QSER1: variants seen among roughly 807,000 people sequenced by gnomAD.
QSER1 encodes the protein glutamine and serine-rich protein 1.
QSER1 carries 49 observed loss-of-function variants against 158.5 expected under a neutral mutation model. That is an observed-to-expected ratio of 0.31 (90% CI 0.25 to 0.39). QSER1 has a LOEUF of 0.39. QSER1 is among the 10% of genes least tolerant of loss of function. The pLI, the probability that QSER1 is intolerant of heterozygous loss-of-function variation, is 1.00. For missense variants in QSER1, 1,754 were observed against 2,010.3 expected, an observed-to-expected ratio of 0.87 and a Z score of 2.44; for synonymous variants, 650 against 715.5, an observed-to-expected ratio of 0.91 and a Z score of 1.46.
chr11:32,895,064 A>G (rs1456909980), intron 1 of QSER1, among the ~76,000 whole-genome samples: 8 of 152,252 alleles, frequency 5.3e-5, no homozygotes, highest in African/African-American at 7.2e-5. Flanking sequence ...TTCTTTTAGT[A>G]GAATACTTCT....
intron 4 of QSER1, among the ~76,000 whole-genome samples, chr11:32,938,496 G>C (rs569100826): frequency 6.6e-5 from 10 of 152,308 alleles, no homozygotes; most frequent in African/African-American, 2.4e-4. Flanking sequence ...AGAGATATAT[G>C]ATGAGCCTGT....
At chr11:32,937,522 G>A (rs143146273) in intron 4 of QSER1, among the ~76,000 whole-genome samples, 2,831 of 151,946 alleles carry the variant, frequency 0.019, 43 homozygotes, top group South Asian at 0.038. Flanking sequence ...TCCTGGCCTC[G>A]AGCAGTCCTC....
intron 4 of QSER1, among the ~76,000 whole-genome samples, chr11:32,948,831 T>C (rs1289082962): frequency 2.6e-5 from 4 of 152,152 alleles, no homozygotes; most frequent in Admixed American, 2.6e-4. Flanking sequence ...GGGGGCATCA[T>C]CCATTTCAAT....
intron 8 of QSER1, among the ~76,000 whole-genome samples, chr11:32,962,773 C>CTAA (rs1423781229): frequency 6.6e-6 from 1 of 152,170 alleles, no homozygotes; most frequent in Non-Finnish European, 1.5e-5. Context: ...GTCCAGAACT[C>CTAA]TAATTTTCAC....
chr11:32,958,971 T>C (rs1852573906), intron 8 of QSER1, among the ~76,000 whole-genome samples: 1 of 152,212 alleles, frequency 6.6e-6, no homozygotes, highest in African/African-American at 2.4e-5. Context: ...TTGAGGATCC[T>C]AAAATGCATT....
At chr11:32,941,764 G>A (rs1189173437) in intron 4 of QSER1, among the ~76,000 whole-genome samples, 2 of 152,008 alleles carry the variant, frequency 1.3e-5, no homozygotes, top group African/African-American at 4.8e-5. Flanking sequence ...GGATGGCTGG[G>A]TCAAATGGTA....
intron 10 of QSER1, among the ~76,000 whole-genome samples, chr11:32,972,510 A>G (rs1160019282): frequency 6.6e-6 from 1 of 151,930 alleles, no homozygotes; most frequent in Non-Finnish European, 1.5e-5. Flanking sequence ...ATATTAGCTC[A>G]GTACAACCTC....
intron 10 of QSER1, among the ~76,000 whole-genome samples, chr11:32,970,447 G>A (rs1003550274): frequency 2.0e-5 from 3 of 152,012 alleles, no homozygotes; most frequent in East Asian, 1.9e-4. Context: ...TTCTTTCGCC[G>A]AGGCTGGAGT....
chr11:32,907,488 A>G (rs574529306), intron 1 of QSER1, among the ~76,000 whole-genome samples: 2 of 152,366 alleles, frequency 1.3e-5, no homozygotes, highest in African/African-American at 4.8e-5. Flanking sequence ...GTTTTCTCAA[A>G]CAAGGGAGAA....
chr11:32,909,515 C>T (rs959530284), intron 1 of QSER1, among the ~76,000 whole-genome samples: 1 of 151,924 alleles, frequency 6.6e-6, no homozygotes, highest in African/African-American at 2.4e-5. Flanking sequence ...TCTTGGCTCA[C>T]TGCAACCTCC....
Position 32,933,665 on chromosome 11 carries a change from A to G in QSER1, c.2407A>G (p.Lys803Glu). ...GACTCCACAAATAAGGTTGAATACT[A>G]AAGACTTAAAGCAGCAACATCCTCT... ...IQTPQIRLNT[K>E]DLKQQHPLIL... is the part of the protein sequence containing the mutation. Residue 803 changes from lysine (K) to glutamate (E), a missense_variant, in exon 4 of 13, where the codon AAA becomes GAA. Transcript: ENST00000650167. 6.2e-7 allele frequency: 1 copy of G among 1,613,558 alleles called. No homozygotes were observed. Among genetic ancestry groups the G allele is most frequent in the Non-Finnish European group, 8.5e-7 (1 of 1,179,792 alleles).
In QSER1 at chr11:32,932,045, T is replaced by G; in HGVS notation, c.787T>G (p.Tyr263Asp). Residue 263 changes from tyrosine (Y) to aspartate (D), a missense_variant, in exon 4 of 13, where the codon TAC (tyrosine) becomes GAC (aspartate). By Grantham distance (160) the Tyr-to-Asp change is radical. This residue lies in a region of QSER1 where 1,707 missense variants were observed against 1,919.6 expected (regional missense o/e 0.89). Transcript: ENST00000650167. ...SNSIPPQSST[Y>D]RSAQESAPHL... The stretch of plus-strand genomic sequence containing the variant: ...CAGCATACCACCTCAGTCTTCAACA[T>G]ACCGCTCAGCTCAAGAGTCTGCACC... The G allele has an allele frequency of 6.2e-7, 1 of 1,614,254 alleles. No individual in the cohort carries two copies. Among genetic ancestry groups the G allele is most frequent in the Non-Finnish European group, 8.5e-7 (1 of 1,180,042 alleles).
intron 4 of QSER1, 79 bp from the exon 5 acceptor site, chr11:32,953,778 T>G: frequency 6.8e-7 from 1 of 1,477,170 alleles, no homozygotes; most frequent in Non-Finnish European, 9.1e-7. Context: ...TCTTTCTTTT[T>G]AAACTGTTTT....
chr11:32,934,140 C>CCCA lies in QSER1; in HGVS notation c.2882_2883insCCA (p.Ser961_Met962insGln). ...AAGAATCAGTTTGTTTCTCTTGGATCGATGTGTTTCCCAGAGGCAGTGCTT... is the reference window on the plus strand; with the variant it reads ...AAGAATCAGTTTGTTTCTCTTGGATCCCAGATGTGTTTCCCAGAGGCAGTGCTT... On this transcript the variant is annotated inframe_insertion, in exon 4 of 13. Coordinates refer to ENST00000650167, the MANE Select transcript of QSER1 (RefSeq NM_001076786.3). 6.2e-7 allele frequency: 1 copy of CCCA among 1,613,918 alleles called. No individual in the cohort carries two copies. The highest frequency in any genetic ancestry group is 8.5e-7 in the Non-Finnish European group (1 of 1,179,912).
Position 32,966,443 on chromosome 11 carries a change from G to A in QSER1, c.5107+6G>A, listed in dbSNP as rs760683555. The A allele has an allele frequency of 1.9e-6, 3 of 1,604,618 alleles. No individual in the cohort carries two copies. The highest frequency in any genetic ancestry group is 2.3e-5 in the South Asian group (2 of 88,598). On this transcript the variant is annotated splice_donor_region_variant and intron_variant, in intron 9 of 12. Coordinates refer to ENST00000650167, the MANE Select transcript of QSER1 (RefSeq NM_001076786.3). ...AGCCTTAGAGAAGAGCAATGGTACA[G>A]TCTTCTAAGTAGTACTTCCTTGGTA...
Position 32,979,044 on chromosome 11 carries a change from G to T in QSER1, c.*2570G>T, listed in dbSNP as rs1853027775. ...ACAGCATGTTACTGTACTGAATACTGTAGGCAGTTGTAACACAATGGTATT... is the reference window on the plus strand; with the variant it reads ...ACAGCATGTTACTGTACTGAATACTTTAGGCAGTTGTAACACAATGGTATT... On this transcript the variant is annotated 3_prime_UTR_variant, in exon 13 of 13. Coordinates refer to ENST00000650167, the MANE Select transcript of QSER1 (RefSeq NM_001076786.3). 1 of 152,246 alleles carries T rather than the reference G, an allele frequency of 6.6e-6. No homozygotes were observed. The highest frequency in any genetic ancestry group is 2.4e-5 in the African/African-American group (1 of 41,452). The allele number at this position is 152,246 out of a possible 1,614,324, so 9.4% of individuals were successfully genotyped here. A position where few individuals can be genotyped will look rare whatever the true frequency, so the allele number is the denominator to read the frequency against.
intron 1 of QSER1, among the ~76,000 whole-genome samples, chr11:32,912,579 TAA>T (rs1475142267): frequency 7.9e-5 from 12 of 152,112 alleles, no homozygotes; most frequent in African/African-American, 2.9e-4. Flanking sequence ...TTGAAAAAAC[TAA>T]CCAGGCGATG....
chr11:32,973,400 G>A lies in QSER1; in HGVS notation c.5209G>A (p.Ala1737Thr). The part of the protein sequence containing the change: ...NLHLDQSFKN[A>T]LESFPELTII... ...ATTTTGCTTCATTGTTTTCCAGAAT[G>A]CTTTGGAAAGTTTTCCTGAACTAAC... The change falls in exon 11 of 13, where the codon GCT becomes ACT. Residue 1737 changes from alanine (A) to threonine (T), a missense_variant. Ala to Thr is a moderately conservative substitution (Grantham distance 58, BLOSUM62 0). This residue lies in a region of QSER1 where 1,707 missense variants were observed against 1,919.6 expected (regional missense o/e 0.89). Coordinates refer to ENST00000650167, the MANE Select transcript of QSER1 (RefSeq NM_001076786.3). The A allele has an allele frequency of 6.2e-7, 1 of 1,613,208 alleles. No homozygotes were observed. Among genetic ancestry groups the A allele is most frequent in the East Asian group, 2.2e-5 (1 of 44,830 alleles).
In QSER1 at chr11:32,976,457, C is replaced by T; in HGVS notation, c.5578C>T (p.Gln1860Ter). The T allele has an allele frequency of 6.2e-7, 1 of 1,608,198 alleles. No homozygotes were observed. Among genetic ancestry groups the T allele is most frequent in the South Asian group, 1.1e-5 (1 of 89,612 alleles). ...EKFGELLNHV[Q>*]QKCS ...ATTTGGAGAACTTCTAAATCATGTA[C>T]AGCAGAAATGTTCCTGACTTTTCCA... is the stretch of plus-strand genomic sequence containing the variant. The change falls in exon 13 of 13, where the codon CAG (glutamine) becomes TAG (stop). Residue 1860 changes from glutamine (Q) to a stop codon, truncating the protein, a stop_gained. Transcript: ENST00000650167. LOFTEE classifies it high-confidence loss of function.
Sources: allele counts gnomAD v4.1 joint callset (sites outside exome capture counted in the v4.1 genomes callset), GRCh38; gene constraint gnomAD v4.1.1; regional missense constraint gnomAD v4.1.1; transcripts MANE v1.5; gene names NCBI Gene and HGNC (gene_info 2026-07-23, HGNC 2026-07-21).